The following ZAN variants were observed in gnomAD, a reference collection of about 807,000 sequenced individuals.
ZAN encodes zonadhesin.
Under a neutral mutation model 286.2 loss-of-function variants are expected in ZAN, and 260 were observed. The ratio of observed to expected loss-of-function variants is 0.91; its 90% CI spans 0.82 to 1.01. The LOEUF (loss-of-function observed/expected upper bound fraction) is 1.01. Among genes scored for constraint, ZAN ranks in the 50% least tolerant of loss-of-function variants. The probability of loss-of-function intolerance (pLI) is 0.00; values close to 1 mark genes in which losing one functional copy is unlikely to be tolerated. For missense variants in ZAN, 3,410 were observed against 3,639.2 expected (o/e 0.94, Z 1.62); for synonymous variants, 1,368 against 1,417.5 (o/e 0.97, Z 0.79).
chr7:100,770,095 A>C (rs1810273450), intron 28 of ZAN, 121 bp downstream of exon 28: 1 of 961,720 alleles, frequency 1.0e-6, no homozygotes, highest in South Asian at 1.7e-5. Flanking sequence ...GAGGAAGGCA[A>C]ATGGGAACAC....
chr7:100,746,524 C>A lies in ZAN; in HGVS notation c.767-14C>A. ...ATTCCATCCACCCCAGTTCCCTGGC[C>A]TTTTGCTTCACAGGTGGCTGCTACA... is the stretch of plus-strand genomic sequence containing the variant. On this transcript the variant is annotated splice_polypyrimidine_tract_variant and intron_variant, in intron 7 of 47. Transcript: ENST00000613979. The A allele has an allele frequency of 2.5e-6, 4 of 1,613,702 alleles. No individual in the cohort carries two copies. Among genetic ancestry groups the A allele is most frequent in the Non-Finnish European group, 3.4e-6 (4 of 1,179,760 alleles).
intron 29 of ZAN, among the ~76,000 whole-genome samples, chr7:100,772,249 T>A (rs1810424563): frequency 6.7e-6 from 1 of 148,174 alleles, no homozygotes; most frequent in Admixed American, 6.9e-5. Context: ...CTGGTCAACA[T>A]GGTGAAACCC....
At position 100,769,878 on chromosome 7, in the gene ZAN, A is replaced by G. The variant is rs1313538341; in HGVS notation, c.5154-2A>G. ...CCTCAGTTTCTATTCTCTCTCATTT[A>G]GCTGTTTCCTTGTGGGTGGCAAGCC... is the stretch of plus-strand genomic sequence containing the variant. On this transcript the variant is annotated splice_acceptor_variant, in intron 27 of 47. Transcript: ENST00000613979. LOFTEE classifies it high-confidence loss of function. 1 of 1,554,024 alleles carries G rather than the reference A, an allele frequency of 6.4e-7. No individual in the cohort carries two copies. The highest frequency in any genetic ancestry group is 8.7e-7 in the Non-Finnish European group (1 of 1,148,192).
chr7:100,749,279 C>G (rs1808441935), intron 11 of ZAN, among the ~76,000 whole-genome samples: 1 of 150,672 alleles, frequency 6.6e-6, no homozygotes, highest in African/African-American at 2.4e-5. Context: ...GAGGTGGAGA[C>G]TGCAGTGAGC....
intron 45 of ZAN, among the ~76,000 whole-genome samples, chr7:100,797,047 G>A (rs1372894492): frequency 3.3e-5 from 5 of 152,126 alleles, no homozygotes; most frequent in African/African-American, 1.2e-4. Context: ...AGGCTGAGGG[G>A]GAGGATTGCT....
Position 100,775,709 on chromosome 7 carries a change from T to A in ZAN, c.6068T>A (p.Ile2023Asn). 6.2e-7 allele frequency: 1 copy of A among 1,613,842 alleles called. No homozygotes were observed. Among genetic ancestry groups the A allele is most frequent in the Non-Finnish European group, 8.5e-7 (1 of 1,179,848 alleles). Reference sequence around the variant, plus strand: ...GTCACCCTCCCCGCCATCTCCCAGATCCCTGGGGTCAGTGTCAAGTCCAGC... The same window carrying A: ...GTCACCCTCCCCGCCATCTCCCAGAACCCTGGGGTCAGTGTCAAGTCCAGC... ...KQVTLPAISQ[I>N]PGVSVKSSSI... The change falls in exon 33 of 48, where the codon ATC becomes AAC. Residue 2023 changes from isoleucine (I) to asparagine (N), a missense_variant. By Grantham distance (149) the Ile-to-Asn change is moderately radical. Around this residue, in one of 7 missense-constraint regions of ZAN, gnomAD observed 1,289 missense variants for 1,314.3 expected, o/e 0.98. Transcript: ENST00000613979.
At chr7:100,777,996 C>G (rs1810933209) in intron 34 of ZAN, among the ~76,000 whole-genome samples, 1 of 152,098 alleles carries the variant, frequency 6.6e-6, no homozygotes, top group South Asian at 2.1e-4. Flanking sequence ...GCTTCCTTTC[C>G]TCGCTTAGAA....
At chr7:100,784,595 A>T (rs771481639) in intron 35 of ZAN, 28 bp from the exon 36 acceptor site, 1 of 1,610,540 alleles carries the variant, frequency 6.2e-7, no homozygotes, top group South Asian at 1.1e-5. Context: ...GACCCTCTCC[A>T]CTGACCCACT....
Position 100,775,771 on chromosome 7 carries a change from C to A in ZAN, c.6130C>A (p.Gln2044Lys). ...YSIVNIKIGV[Q>K]VKFDGNHLLE... ...CATTGTTAACATCAAGATCGGGGTG[C>A]AAGTCAAGTTTGACGGGAATCATCT... Residue 2044 changes from glutamine to lysine, a missense_variant, in exon 33 of 48, where the codon CAA becomes AAA. Coordinates refer to ENST00000613979, the MANE Select transcript of ZAN (RefSeq NM_003386.3). The A allele has an allele frequency of 1.2e-6, 2 of 1,613,876 alleles. No homozygotes were observed. Among genetic ancestry groups the A allele is most frequent in the Non-Finnish European group, 1.7e-6 (2 of 1,179,884 alleles).
Position 100,751,254 on chromosome 7 carries a change from G to C in ZAN, c.1594G>C (p.Gly532Arg). The C allele has an allele frequency of 1.2e-6, 2 of 1,602,954 alleles. No homozygotes were observed. Among genetic ancestry groups the C allele is most frequent in the South Asian group, 2.2e-5 (2 of 89,232 alleles). The change falls in exon 13 of 48, where the codon GGG becomes CGG. Residue 532 changes from glycine to arginine, a missense_variant. Around this residue, in one of 7 missense-constraint regions of ZAN, gnomAD observed 872 missense variants for 938.9 expected, o/e 0.93. Coordinates refer to ENST00000613979, the MANE Select transcript of ZAN (RefSeq NM_003386.3). The stretch of plus-strand genomic sequence containing the variant: ...TATGGGTTTCATCTTGATCAATCCT[G>C]GGACTTGTCCAGGTAAGACCAAAGC... ...VAMGFILINP[G>R]TCPVKVLPEL...
chr7:100,760,676 G>A, intron 19 of ZAN, 140 bp downstream of exon 19: 6 of 1,314,400 alleles, frequency 4.6e-6, no homozygotes, highest in South Asian at 1.4e-5. Context: ...TCACGGATGG[G>A]AAGCACCCTG....
At position 100,763,517 on chromosome 7, in the gene ZAN, G is replaced by A. The variant is rs1198397731; in HGVS notation, c.3987-289G>A. 1.3e-5 allele frequency among the ~76,000 whole-genome samples: 2 copies of A among 152,016 alleles called. No homozygotes were observed. The highest frequency in any genetic ancestry group is 2.9e-5 in the Non-Finnish European group (2 of 68,010). On this transcript the variant is annotated intron_variant, in intron 20 of 47. Transcript: ENST00000613979. The surrounding 1 kb of genome is among the most constrained non-coding windows in gnomAD (Gnocchi z 4.6). ...CTCCTGAGTAGCTGGGGCTATGGACGTGCGCCATATGAAATATGAAATAAA... is the reference window on the plus strand; with the variant it reads ...CTCCTGAGTAGCTGGGGCTATGGACATGCGCCATATGAAATATGAAATAAA...
chr7:100,772,655 A>G (rs1810452594), intron 29 of ZAN, among the ~76,000 whole-genome samples: 3 of 151,700 alleles, frequency 2.0e-5, no homozygotes, highest in South Asian at 4.2e-4. Context: ...CCCCGTCTCT[A>G]CCAAAAATAC....
chr7:100,753,317 G>A, intron 14 of ZAN, 88 bp downstream of exon 14: 1 of 1,408,432 alleles, frequency 7.1e-7, no homozygotes, highest in Non-Finnish European at 9.5e-7. Context: ...TCTGGTAGAA[G>A]CCTTCTAGTT....
chr7:100,777,188 C>A (rs1810877250), intron 34 of ZAN, among the ~76,000 whole-genome samples: 1 of 150,290 alleles, frequency 6.7e-6, no homozygotes, highest in Non-Finnish European at 1.5e-5. Context: ...GGATTACAGG[C>A]ACCCGCCACC....
rs374042107 is a variant in ZAN, at chr7:100,764,154, G to A, written c.4225G>A (p.Ala1409Thr). ...MSTMTTTCQDAGHAVKPWREP... is the reference protein window; with the variant it reads ...MSTMTTTCQDTGHAVKPWREP... ...CACCATGACCACCACCTGCCAGGACGCAGGCCACGCTGTGAAGCCCTGGAG... is the reference window on the plus strand; with the variant it reads ...CACCATGACCACCACCTGCCAGGACACAGGCCACGCTGTGAAGCCCTGGAG... Residue 1409 changes from alanine (A) to threonine (T), a missense_variant, in exon 22 of 48, where the codon GCA becomes ACA. By Grantham distance (58) the Ala-to-Thr change is moderately conservative (BLOSUM62 0). Coordinates refer to ENST00000613979, the MANE Select transcript of ZAN (RefSeq NM_003386.3). 161 of 1,605,206 alleles carry A rather than the reference G, an allele frequency of 1.0e-4. 1 individual carries two copies. In the South Asian group the frequency reaches 1.3e-3, roughly 13 times the overall value.
rs1809329122 is a variant in ZAN, at chr7:100,758,630, A to G, written c.3551A>G (p.Gln1184Arg). ...FMGKCTYILAQPCGNSTDPFF... is the reference protein window; with the variant it reads ...FMGKCTYILARPCGNSTDPFF... ...GGCAAGTGCACTTACATCTTGGCCC[A>G]GCCCTGTGGCAACTCAACAGGTAGG... The change falls in exon 17 of 48, where the codon CAG becomes CGG. Residue 1184 changes from glutamine (Q) to arginine (R), a missense_variant. Coordinates refer to ENST00000613979, the MANE Select transcript of ZAN (RefSeq NM_003386.3). The G allele has an allele frequency of 1.9e-6, 3 of 1,556,770 alleles. No homozygotes were observed. The highest frequency in any genetic ancestry group is 2.7e-5 in the African/African-American group (2 of 73,386).
chr7:100,752,957 C>T lies in ZAN; in HGVS notation c.2852C>T (p.Ser951Phe). 1 of 1,610,960 alleles carries T rather than the reference C, an allele frequency of 6.2e-7. No individual in the cohort carries two copies. Among genetic ancestry groups the T allele is most frequent in the Non-Finnish European group, 8.5e-7 (1 of 1,178,706 alleles). ...LTIPTEKPTI[S>F]PEKLTIPTEK... ...ATCCCCACAGAAAAACCCACCATCT[C>T]CCCAGAAAAACTCACCATCCCCACA... The change falls in exon 14 of 48, where the codon TCC becomes TTC. Residue 951 changes from serine (S) to phenylalanine (F), a missense_variant. Ser to Phe is a radical substitution (Grantham distance 155). Coordinates refer to ENST00000613979, the MANE Select transcript of ZAN (RefSeq NM_003386.3).
At chr7:100,792,287 C>T in intron 41 of ZAN, 118 bp from the exon 42 acceptor site, 3 of 1,509,556 alleles carry the variant, frequency 2.0e-6, no homozygotes, top group Non-Finnish European at 2.7e-6. Flanking sequence ...TTCCTTGTGA[C>T]CCTCACTGGA....
Sources: gnomAD v4.1 joint callset for allele counts (sites outside exome capture counted in the v4.1 genomes callset) on GRCh38, gnomAD v4.1.1 for gene constraint, gnomAD v4.1.1 regional missense constraint, Gnocchi (gnomAD v3.1) non-coding constraint, MANE v1.5 for transcripts, NCBI Gene and HGNC (gene_info 2026-07-23, HGNC 2026-07-21) for gene names.